UBE2Q2: variants seen among roughly 807,000 people sequenced by gnomAD.
The protein encoded by UBE2Q2 is ubiquitin conjugating enzyme E2 Q2.
A neutral mutation model predicts 59.9 loss-of-function variants in UBE2Q2; 54 were observed. The observed-to-expected ratio is 0.90, with a 90% CI of 0.72 to 1.13. UBE2Q2 has a LOEUF of 1.13. Ranked by LOEUF, UBE2Q2 falls within the 50% of genes most tolerant of loss-of-function variation. The pLI is 0.00. For synonymous variants in UBE2Q2, 165 were observed against 155.2 expected (o/e 1.06, Z -0.47); for missense variants, 433 against 441.9 (o/e 0.98, Z 0.18).
Position 75,873,420 on chromosome 15 carries a change from C to A in UBE2Q2, c.448-8C>A. ...TTGAATAAGCTAACATTTTTCGTCT[C>A]TTTGTAGGATATAGAAGACTTAGAT... On this transcript the variant is annotated splice_region_variant and splice_polypyrimidine_tract_variant and intron_variant, in intron 4 of 12. Transcript: ENST00000267938. 2 of 1,585,878 alleles carry A rather than the reference C, an allele frequency of 1.3e-6. No homozygotes were observed. The highest frequency in any genetic ancestry group is 1.2e-5 in the South Asian group (1 of 85,346).
intron 1 of UBE2Q2, among the ~76,000 whole-genome samples, chr15:75,853,179 A>G (rs1426063261): frequency 1.3e-5 from 2 of 152,208 alleles, no homozygotes; most frequent in African/African-American, 4.8e-5. Flanking sequence ...TTGTGTTTTA[A>G]AAAAGATATG....
At chr15:75,883,602 C>T (rs1003658499) in intron 9 of UBE2Q2, among the ~76,000 whole-genome samples, 178 bp downstream of exon 9, 2 of 151,658 alleles carry the variant, frequency 1.3e-5, no homozygotes, top group Non-Finnish European at 2.9e-5. Context: ...TGTGCCTGGC[C>T]TGCATTTTTT....
rs1896127739 is a variant in UBE2Q2, at chr15:75,843,548, AGAGCGCGGCCCAGGCCGGCCCCGCGGGGC to A, written c.-117_-89del. The A allele has an allele frequency of 1.6e-6, 1 of 632,216 alleles. No homozygotes were observed. Among genetic ancestry groups the A allele is most frequent in the African/African-American group, 2.0e-5 (1 of 50,818 alleles). 39.2% of individuals were successfully genotyped at this position (632,216 alleles called of 1,614,324 possible). ...CAGCGCTCGACGAGGCGGAGCCGCG[AGAGCGCGGCCCAGGCCGGCCCCGCGGGGC>A]GGTCGCGGCCGTGACGGCGGCTCCG... On this transcript the variant is annotated 5_prime_UTR_variant, in exon 1 of 13. Coordinates refer to ENST00000267938, the MANE Select transcript of UBE2Q2 (RefSeq NM_173469.4).
chr15:75,843,771 C>G lies in UBE2Q2; in HGVS notation c.105C>G (p.His35Gln). 6.2e-7 allele frequency: 1 copy of G among 1,610,168 alleles called. No individual in the cohort carries two copies. Among genetic ancestry groups the G allele is most frequent in the Non-Finnish European group, 8.5e-7 (1 of 1,178,730 alleles). ...TCAGTTGGAAGCTGGACGAGCTGCA[C>G]TGCCAGTTCCTGGTGCCGCAGCAGG... ...RIVSWKLDEL[H>Q]CQFLVPQQGS... Residue 35 changes from histidine to glutamine, a missense_variant, in exon 1 of 13, where the codon CAC (histidine) becomes CAG (glutamine). By Grantham distance (24) the His-to-Gln change is conservative. Transcript: ENST00000267938.
At chr15:75,872,448 A>G in intron 4 of UBE2Q2, among the ~76,000 whole-genome samples, 1 of 152,048 alleles carries the variant, frequency 6.6e-6, no homozygotes, top group African/African-American at 2.4e-5. Context: ...TATGTGTAAG[A>G]ACAGATAGTA....
chr15:75,852,448 C>G (rs1466039244), intron 1 of UBE2Q2, among the ~76,000 whole-genome samples: 1 of 152,190 alleles, frequency 6.6e-6, no homozygotes. Flanking sequence ...TACAGTGTAT[C>G]ATATCTTTTC....
intron 4 of UBE2Q2, among the ~76,000 whole-genome samples, chr15:75,871,409 G>A (rs1897781726): frequency 6.6e-6 from 1 of 152,218 alleles, no homozygotes; most frequent in African/African-American, 2.4e-5. Context: ...CTTTACGGGT[G>A]TCAGGCTGGG....
chr15:75,859,901 GAT>G lies in UBE2Q2; in HGVS notation c.309_310del (p.Ile103MetfsTer2), dbSNP rs761242285. On this transcript the variant is annotated frameshift_variant, in exon 3 of 13. Coordinates refer to ENST00000267938, the MANE Select transcript of UBE2Q2 (RefSeq NM_173469.4). LOFTEE classifies it high-confidence loss of function. ...AGCTTCGTCAGCAATTGAAGTGGTT[GAT>G]ATGTGAACTCTGCAGTTTATATAAC... The part of the protein sequence containing the change: ...NLLRQQLKWL[I>X]CELCSLYNLP... The G allele has an allele frequency of 5.0e-6, 8 of 1,597,210 alleles. No homozygotes were observed. The South Asian group carries it at 9.3e-5, about 18-fold the overall frequency.
chr15:75,863,770 G>T (rs1220414193), intron 3 of UBE2Q2, among the ~76,000 whole-genome samples: 1 of 151,958 alleles, frequency 6.6e-6, no homozygotes, highest in Non-Finnish European at 1.5e-5. Context: ...AGTCTCCCCA[G>T]TAGCTGGGAT....
chr15:75,879,075 G>GT (rs761009308), intron 7 of UBE2Q2, 23 bp from the exon 8 acceptor site: 5 of 1,501,878 alleles, frequency 3.3e-6, no homozygotes, highest in Admixed American at 4.6e-5. Flanking sequence ...TATTTGAACT[G>GT]TTTTTTGTTT....
chr15:75,872,362 T>C (rs1195774649), intron 4 of UBE2Q2, among the ~76,000 whole-genome samples: 1 of 151,544 alleles, frequency 6.6e-6, no homozygotes, highest in Non-Finnish European at 1.5e-5. Flanking sequence ...ACTACTCCTT[T>C]AGAGATTTTG....
At chr15:75,867,655 C>T (rs1246507532) in intron 3 of UBE2Q2, among the ~76,000 whole-genome samples, 5 of 152,082 alleles carry the variant, frequency 3.3e-5, no homozygotes, top group Admixed American at 3.3e-4. Flanking sequence ...GATGGGGGCT[C>T]AGTTTTCTCA....
chr15:75,856,162 A>G (rs938211953), intron 2 of UBE2Q2, among the ~76,000 whole-genome samples: 1 of 151,708 alleles, frequency 6.6e-6, no homozygotes, highest in African/African-American at 2.4e-5. Flanking sequence ...ACTCTAGCCT[A>G]GGTGACGGAG....
intron 5 of UBE2Q2, among the ~76,000 whole-genome samples, chr15:75,875,156 T>C (rs1349300894): frequency 1.3e-5 from 2 of 152,206 alleles, no homozygotes; most frequent in Non-Finnish European, 2.9e-5. Flanking sequence ...GCATGATGGA[T>C]ACTATGCCAA....
At chr15:75,885,246 G>A (rs1193134756) in intron 9 of UBE2Q2, among the ~76,000 whole-genome samples, 1 of 151,872 alleles carries the variant, frequency 6.6e-6, no homozygotes, top group Non-Finnish European at 1.5e-5. Context: ...TTAGCCTCCC[G>A]AGTAAGGACT....
intron 10 of UBE2Q2, 122 bp from the exon 11 acceptor site, chr15:75,890,797 C>T: frequency 1.2e-6 from 1 of 842,266 alleles, no homozygotes; most frequent in Non-Finnish European, 1.9e-6. Flanking sequence ...TACTTTTTCC[C>T]CTTGACTACA....
In UBE2Q2 at chr15:75,899,510, C is replaced by T. The variant is rs750084268; in HGVS notation, c.*52C>T. 6.6e-7 allele frequency: 1 copy of T among 1,521,586 alleles called. No individual in the cohort carries two copies. The highest frequency in any genetic ancestry group is 9.0e-7 in the Non-Finnish European group (1 of 1,115,406). 94.3% of individuals were successfully genotyped at this position (1,521,586 alleles called of 1,614,324 possible). On this transcript the variant is annotated 3_prime_UTR_variant, in exon 13 of 13. Coordinates refer to ENST00000267938, the MANE Select transcript of UBE2Q2 (RefSeq NM_173469.4). ...TAATGTTGCTTTAAAGAAAATCTTT[C>T]TAACATGCAGACAAAAGCTTTGAGT...
In UBE2Q2 at chr15:75,868,986, GGAAGAAGAA is replaced by G; in HGVS notation, c.429_437del (p.Glu144_Glu146del). 1 of 1,612,528 alleles carries G rather than the reference GGAAGAAGAA, an allele frequency of 6.2e-7. No individual in the cohort carries two copies. Among genetic ancestry groups the G allele is most frequent in the Admixed American group, 1.7e-5 (1 of 59,970 alleles). The stretch of plus-strand genomic sequence containing the variant: ...CAGAAGAAGTGACTTCAGAAGAAGA[GGAAGAAGAA>G]GAAGAGATGGCTGAAGTAGGTATTT... On this transcript the variant is annotated inframe_deletion, in exon 4 of 13. Transcript: ENST00000267938.
At chr15:75,887,115 C>G (rs1358687558) in intron 9 of UBE2Q2, among the ~76,000 whole-genome samples, 1 of 152,108 alleles carries the variant, frequency 6.6e-6, no homozygotes, top group East Asian at 1.9e-4. Flanking sequence ...TTGAATAAGT[C>G]AGCTTGTGAC....
Sources: allele counts gnomAD v4.1 joint callset (sites outside exome capture counted in the v4.1 genomes callset), GRCh38; gene constraint gnomAD v4.1.1; transcripts MANE v1.5; gene names NCBI Gene and HGNC (gene_info 2026-07-23, HGNC 2026-07-21).